SHISA9: variants seen among roughly 807,000 people sequenced by gnomAD.
SHISA9 encodes the protein shisa family member 9, also known as protein shisa-9.
SHISA9 carries 13 observed loss-of-function variants against 38.0 expected under a neutral mutation model. The ratio of observed to expected loss-of-function variants is 0.34; its 90% confidence interval spans 0.22 to 0.54. The LOEUF is 0.54. SHISA9 is among the 20% of genes least tolerant of loss of function. SHISA9 has a pLI of 0.91. For missense variants in SHISA9, 538 were observed against 575.8 expected (o/e 0.93, Z 0.67); for synonymous variants, 275 against 242.0 (o/e 1.14, Z -1.27).
chr16:12,919,527 T>C (rs2071301472), intron 2 of SHISA9, among the ~76,000 whole-genome samples: 1 of 152,244 alleles, frequency 6.6e-6, no homozygotes, highest in Non-Finnish European at 1.5e-5. Context: ...TCTTCTTATC[T>C]TAATATTAAC....
intron 2 of SHISA9, among the ~76,000 whole-genome samples, chr16:13,069,415 T>G (rs2073482529): frequency 6.6e-6 from 1 of 152,010 alleles, no homozygotes; most frequent in African/African-American, 2.4e-5. Flanking sequence ...AATGTGTGCA[T>G]GTGTGTGTAT....
chr16:13,380,850 T>C, the SHISA9 span, among the ~76,000 whole-genome samples: 1 of 132,720 alleles, frequency 7.5e-6, no homozygotes, highest in Non-Finnish European at 1.6e-5. Flanking sequence ...GGCCTCCATG[T>C]GTGATGTTCC....
At chr16:13,265,915 A>G in the SHISA9 span, among the ~76,000 whole-genome samples, 4 of 152,158 alleles carry the variant, frequency 2.6e-5, no homozygotes, top group African/African-American at 4.8e-5. Flanking sequence ...ACTGAAATCA[A>G]TTTCCTAAAC....
chr16:13,426,574 C>G, the SHISA9 span, among the ~76,000 whole-genome samples: 1 of 152,134 alleles, frequency 6.6e-6, no homozygotes, highest in Non-Finnish European at 1.5e-5. Context: ...ACCAAGGCCA[C>G]TTAATAAAGT....
At chr16:12,931,099 G>A (rs1023899537) in intron 2 of SHISA9, among the ~76,000 whole-genome samples, 2 of 152,158 alleles carry the variant, frequency 1.3e-5, no homozygotes, top group African/African-American at 2.4e-5. Context: ...GTTCCGTCAC[G>A]AATGCTGGGA....
chr16:13,511,319 A>G, the SHISA9 span, among the ~76,000 whole-genome samples: 14 of 152,214 alleles, frequency 9.2e-5, no homozygotes, highest in Admixed American at 2.0e-4. Context: ...AAATACCCAG[A>G]GTGAATAGAG....
rs2051409857 is a variant in SHISA9, at chr16:13,238,815, T to TTTACTA, written c.*3409_*3410insCTATTA. ...TTTTTTTTAATGTATCCATGGAGTA[T>TTTACTA]TTATTATTATTATTATTATTATTAT... is the stretch of plus-strand genomic sequence containing the variant. On this transcript the variant is annotated 3_prime_UTR_variant, in exon 5 of 5. Coordinates refer to ENST00000558583, the MANE Select transcript of SHISA9 (RefSeq NM_001145204.3). 7.3e-6 allele frequency: 1 copy of TTTACTA among 136,148 alleles called. No homozygotes were observed. Among genetic ancestry groups the TTTACTA allele is most frequent in the Non-Finnish European group, 1.6e-5 (1 of 63,872 alleles). 8.4% of individuals were successfully genotyped at this position (136,148 alleles called of 1,614,324 possible).
chr16:13,301,023 C>A, the SHISA9 span, among the ~76,000 whole-genome samples: 1 of 151,850 alleles, frequency 6.6e-6, no homozygotes, highest in African/African-American at 2.4e-5. Context: ...CTTTTCTATT[C>A]TTTTATCACC....
At chr16:13,121,992 T>C (rs2050216082) in intron 2 of SHISA9, among the ~76,000 whole-genome samples, 1 of 152,100 alleles carries the variant, frequency 6.6e-6, no homozygotes, top group Admixed American at 6.6e-5. Flanking sequence ...GTGATACTGT[T>C]CACATAAACT....
chr16:13,506,983 C>T, the SHISA9 span, among the ~76,000 whole-genome samples: 5 of 151,950 alleles, frequency 3.3e-5, no homozygotes, highest in African/African-American at 1.2e-4. Context: ...GTCGAAGCTG[C>T]AGTGAGCTAT....
At chr16:13,361,502 C>A in the SHISA9 span, among the ~76,000 whole-genome samples, 39 of 152,190 alleles carry the variant, frequency 2.6e-4, no homozygotes, top group Admixed American at 8.5e-4. Flanking sequence ...TCATTTATAT[C>A]CCTACAGAAA....
At chr16:13,386,697 A>G in the SHISA9 span, among the ~76,000 whole-genome samples, 5 of 152,160 alleles carry the variant, frequency 3.3e-5, no homozygotes, top group African/African-American at 4.8e-5. Flanking sequence ...TTATGCTTCT[A>G]TATCAGTCTG....
the SHISA9 span, chr16:13,562,662 A>T: frequency 1.3e-5 from 2 of 150,672 alleles, no homozygotes; most frequent in South Asian, 4.2e-4. Context: ...TTCATTCCTT[A>T]TATGAAATTC....
chr16:13,402,788 G>A, the SHISA9 span, among the ~76,000 whole-genome samples: 164 of 152,258 alleles, frequency 1.1e-3, no homozygotes, highest in East Asian at 9.9e-3. Context: ...TCAAGTTGAC[G>A]TATCAAATTA....
chr16:13,259,975 C>T, the SHISA9 span, among the ~76,000 whole-genome samples: 6 of 149,128 alleles, frequency 4.0e-5, no homozygotes, highest in African/African-American at 7.4e-5. Flanking sequence ...TTGCATTTCT[C>T]CCCAGAAAAT....
the SHISA9 span, among the ~76,000 whole-genome samples, chr16:13,288,693 G>A: frequency 6.6e-6 from 1 of 152,076 alleles, no homozygotes; most frequent in East Asian, 1.9e-4. Flanking sequence ...GCCTGGGAGG[G>A]TGAGGCAGAA....
At chr16:13,215,208 A>T (rs1000076280) in intron 4 of SHISA9, among the ~76,000 whole-genome samples, 1 of 152,196 alleles carries the variant, frequency 6.6e-6, no homozygotes, top group Non-Finnish European at 1.5e-5. Context: ...AGCACACATC[A>T]GCATCACTTG....
chr16:12,920,895 G>C (rs1228400383), intron 2 of SHISA9, among the ~76,000 whole-genome samples: 1 of 152,154 alleles, frequency 6.6e-6, no homozygotes, highest in Non-Finnish European at 1.5e-5. Flanking sequence ...TTTGATCATA[G>C]AATTTTGGTT....
intron 2 of SHISA9, among the ~76,000 whole-genome samples, chr16:13,078,859 G>A (rs1293152778): frequency 6.6e-6 from 1 of 152,208 alleles, no homozygotes; most frequent in Non-Finnish European, 1.5e-5. Context: ...AGATGCTGCA[G>A]GGCAGTGGGG....
Sources: gnomAD v4.1 joint callset for allele counts (sites outside exome capture counted in the v4.1 genomes callset) on GRCh38, gnomAD v4.1.1 for gene constraint, MANE v1.5 for transcripts, NCBI Gene and HGNC (gene_info 2026-07-23, HGNC 2026-07-21) for gene names.